Variants in COL4A6 observed in about 807,000 individuals in gnomAD.
The protein encoded by COL4A6 is collagen alpha-6(IV) chain.
A neutral mutation model predicts 126.7 loss-of-function variants in COL4A6; 59 were observed. The ratio of observed to expected loss-of-function variants is 0.47; its 90% CI spans 0.38 to 0.58. The LOEUF (loss-of-function observed/expected upper bound fraction) is 0.58. Among genes scored for constraint, COL4A6 ranks in the 20% least tolerant of loss-of-function variants. The pLI, the probability that COL4A6 is intolerant of heterozygous loss-of-function variation, is 0.00. For synonymous variants in COL4A6, 547 were observed against 496.6 expected, an observed-to-expected ratio of 1.10 and a Z score of -1.35; for missense variants, 1,285 against 1,337.3, an observed-to-expected ratio of 0.96 and a Z score of 0.61.
chrX:108,243,060 G>T (rs779146377), intron 3 of COL4A6, among the ~76,000 whole-genome samples: 3 of 111,321 alleles, frequency 2.7e-5, no homozygotes, highest in Non-Finnish European at 3.8e-5. Flanking sequence ...AAAAAAAAAG[G>T]TTCTGATTCA....
intron 2 of COL4A6, among the ~76,000 whole-genome samples, chrX:108,402,553 T>C (rs1333146694): frequency 2.7e-5 from 3 of 111,098 alleles, no homozygotes. Context: ...TTTTTCTAAC[T>C]TCTGAAGTTG....
rs775507120 is a variant in COL4A6 at position 108,160,452 on chromosome X, C to G, written c.4525+11G>C. ...AGGTGACCAGGGCTGGCTGTCAGAG[C>G]TGGTACCTACCCAGGTCCTGGTTGT... is the stretch of plus-strand genomic sequence containing the variant. On this transcript the variant is annotated intron_variant, in intron 43 of 44. Transcript: ENST00000334504. 2.5e-6 allele frequency: 3 copies of G among 1,185,023 alleles called. No individual in the cohort carries two copies. In the South Asian group the frequency reaches 5.8e-5, roughly 23 times the overall value.
At chrX:108,278,786 C>T (rs1448351610) in intron 3 of COL4A6, among the ~76,000 whole-genome samples, 44 of 110,215 alleles carry the variant, frequency 4.0e-4, no homozygotes, top group African/African-American at 1.2e-3. Flanking sequence ...AGACTAACAG[C>T]GGATCTCTCG....
At chrX:108,269,059 GCCACATTACC>G in intron 3 of COL4A6, 1 of 333,267 alleles carries the variant, frequency 3.0e-6, no homozygotes, top group Non-Finnish European at 5.8e-6. Flanking sequence ...CTGTGGCTGA[GCCACATTACC>G]CCTTAGAATC....
At chrX:108,410,387 T>C (rs1408606168) in intron 2 of COL4A6, among the ~76,000 whole-genome samples, 3 of 111,632 alleles carry the variant, frequency 2.7e-5, no homozygotes, top group Non-Finnish European at 5.7e-5. Flanking sequence ...TTTTTTCATA[T>C]AGATAAGAAG....
intron 31 of COL4A6, 73 bp downstream of exon 31, chrX:108,174,367 G>A: frequency 4.8e-6 from 5 of 1,033,455 alleles, no homozygotes; most frequent in Non-Finnish European, 6.8e-6. Context: ...TCAGAGAGGT[G>A]GGCAGTGGGG....
chrX:108,229,102 G>A (rs1486747522), intron 3 of COL4A6, among the ~76,000 whole-genome samples: 2 of 112,083 alleles, frequency 1.8e-5, no homozygotes, highest in East Asian at 2.8e-4. Flanking sequence ...CAGTAAGAAA[G>A]GGCAATAGAG....
intron 3 of COL4A6, among the ~76,000 whole-genome samples, chrX:108,264,577 T>C (rs1185181819): frequency 9.0e-6 from 1 of 111,573 alleles, no homozygotes; most frequent in Non-Finnish European, 1.9e-5. Flanking sequence ...AAGAGCCAAG[T>C]GAGCCAGAAG....
chrX:108,367,745 T>G (rs1272259446), intron 2 of COL4A6, among the ~76,000 whole-genome samples: 8 of 111,677 alleles, frequency 7.2e-5, no homozygotes, highest in Non-Finnish European at 7.5e-5. Flanking sequence ...GAAAAAATAC[T>G]AATTTACATG....
intron 2 of COL4A6, among the ~76,000 whole-genome samples, chrX:108,378,980 G>A (rs903469520): frequency 8.9e-6 from 1 of 112,326 alleles, no homozygotes; most frequent in African/African-American, 3.2e-5. Flanking sequence ...CTTAGGCCAT[G>A]GCAGAAAGTT....
At chrX:108,267,686 G>A (rs866757823) in intron 3 of COL4A6, 1 of 5,741 alleles carries the variant, frequency 1.7e-4, no homozygotes, top group South Asian at 0.034. Flanking sequence ...ACACACAAAG[G>A]TACATTCATT....
At chrX:108,232,842 A>C (rs949403221) in intron 3 of COL4A6, among the ~76,000 whole-genome samples, 6 of 111,576 alleles carry the variant, frequency 5.4e-5, no homozygotes, top group Non-Finnish European at 9.4e-5. Context: ...CACTGACAAA[A>C]CTTTGCTTTT....
rs192189133 is a variant in COL4A6, at chrX:108,361,021, A to C, written c.64-50193T>G. Reference sequence around the variant, plus strand: ...ATCATCTTAGAGGAGGCTGGAAGTCAGAGCTATCATGATGATAGTCTACAG... The same window carrying C: ...ATCATCTTAGAGGAGGCTGGAAGTCCGAGCTATCATGATGATAGTCTACAG... On this transcript the variant is annotated intron_variant, in intron 2 of 44. Transcript: ENST00000334504. 1.3e-4 allele frequency among the ~76,000 whole-genome samples: 14 copies of C among 111,445 alleles called. No homozygotes were observed. In the East Asian group the frequency reaches 4.0e-3, roughly 32 times the overall value.
At chrX:108,246,713 C>T (rs2148334307) in intron 3 of COL4A6, among the ~76,000 whole-genome samples, 1 of 110,769 alleles carries the variant, frequency 9.0e-6, no homozygotes, top group South Asian at 4.0e-4. Context: ...ATGATCTTAG[C>T]TTCAGTTGCT....
chrX:108,177,790 C>G (rs776885827), intron 27 of COL4A6, among the ~76,000 whole-genome samples: 1 of 111,886 alleles, frequency 8.9e-6, no homozygotes, highest in Non-Finnish European at 1.9e-5. Flanking sequence ...GATTGAAAAG[C>G]ATCAAGTAGC....
In COL4A6 at chrX:108,241,559, A is replaced by G. The variant is rs750109513; in HGVS notation, c.145-20185T>C. On this transcript the variant is annotated intron_variant, in intron 3 of 44. Transcript: ENST00000334504. Reference sequence around the variant, plus strand: ...ATAATATATAATAGTAAATATATATATATATATATATATAGCCCTGAACAA... The same window carrying G: ...ATAATATATAATAGTAAATATATATGTATATATATATATAGCCCTGAACAA... Among the ~76,000 whole-genome samples, 110 of 103,966 alleles carry G rather than the reference A, an allele frequency of 1.1e-3. 3 individuals are homozygous for G. The South Asian group carries it at 0.044, about 41-fold the overall frequency. The allele number at this position is 103,966 out of a possible 115,157, so 90.3% of individuals were successfully genotyped here.
chrX:108,248,737 G>A (rs768267400), intron 3 of COL4A6, among the ~76,000 whole-genome samples: 2 of 110,781 alleles, frequency 1.8e-5, no homozygotes, highest in South Asian at 7.7e-4. Flanking sequence ...CCACAGACTG[G>A]TATCAGTCTG....
At chrX:108,178,595 C>T (rs2034573840) in intron 27 of COL4A6, 89 bp downstream of exon 27, 1 of 930,267 alleles carries the variant, frequency 1.1e-6, no homozygotes, top group South Asian at 2.4e-5. Context: ...CTGACCATGT[C>T]CCACTACTGC....
At chrX:108,397,514 CCA>C (rs2040991251) in intron 2 of COL4A6, among the ~76,000 whole-genome samples, 1 of 109,918 alleles carries the variant, frequency 9.1e-6, no homozygotes, top group Non-Finnish European at 1.9e-5. Context: ...TTTTCATCTG[CCA>C]CAGCCCTTGA....
Sources: gnomAD v4.1 joint callset for allele counts (sites outside exome capture counted in the v4.1 genomes callset) on GRCh38, gnomAD v4.1.1 for gene constraint, MANE v1.5 for transcripts, NCBI Gene and HGNC (gene_info 2026-07-23, HGNC 2026-07-21) for gene names.